The following VAC14 variants were observed in gnomAD, a reference collection of about 807,000 sequenced individuals.
The protein encoded by VAC14 is protein VAC14 homolog.
In VAC14, 47 loss-of-function variants were observed where a neutral mutation model predicts 85.3. The observed-to-expected ratio is 0.55, with a 90% CI of 0.44 to 0.70. The LOEUF (loss-of-function observed/expected upper bound fraction) is 0.70, where lower values mean the gene tolerates loss of function less well. VAC14 is among the 30% of genes least tolerant of loss of function. The pLI is 0.00. For synonymous variants in VAC14, 447 were observed against 430.5 expected, an observed-to-expected ratio of 1.04 and a Z score of -0.47; for missense variants, 861 against 1,004.3, an observed-to-expected ratio of 0.86 and a Z score of 1.93.
intron 1 of VAC14, among the ~76,000 whole-genome samples, chr16:70,798,518 G>A (rs770852491): frequency 2.0e-5 from 3 of 152,234 alleles, no homozygotes; most frequent in Non-Finnish European, 4.4e-5. Flanking sequence ...AGATAAGTAA[G>A]TCAGTATCTA....
intron 18 of VAC14, chr16:70,689,158 G>C: frequency 1.0e-6 from 1 of 976,180 alleles, no homozygotes; most frequent in Middle Eastern, 5.2e-4. Context: ...GGTGTGACTT[G>C]AGCATGTGAC....
chr16:70,695,389 A>G (rs1251477068), intron 17 of VAC14, among the ~76,000 whole-genome samples, 155 bp downstream of exon 17: 1 of 152,118 alleles, frequency 6.6e-6, no homozygotes, highest in East Asian at 1.9e-4. Flanking sequence ...TGGGATTATA[A>G]GTCTCACATT....
chr16:70,785,528 T>C (rs1399458387), intron 3 of VAC14, among the ~76,000 whole-genome samples, 174 bp downstream of exon 3: 3 of 152,140 alleles, frequency 2.0e-5, no homozygotes, highest in Non-Finnish European at 4.4e-5. Flanking sequence ...TGAAAAAAGG[T>C]ATAAATGCAA....
intron 14 of VAC14, among the ~76,000 whole-genome samples, chr16:70,712,079 C>CA (rs1458766773): frequency 6.6e-6 from 1 of 152,092 alleles, no homozygotes. Flanking sequence ...TACCCTCCCC[C>CA]ACCCCCTCCC....
At chr16:70,706,738 C>T (rs765702429) in intron 14 of VAC14, among the ~76,000 whole-genome samples, 8 of 152,290 alleles carry the variant, frequency 5.3e-5, no homozygotes, top group East Asian at 3.9e-4. Flanking sequence ...GTGATCCACC[C>T]GCCTCGGCCT....
rs1161455957 is a variant in VAC14 at position 70,748,103 on chromosome 16, C to T, written c.1372-3524G>A. 5.9e-5 allele frequency among the ~76,000 whole-genome samples: 9 copies of T among 151,478 alleles called. No individual in the cohort carries two copies. In the East Asian group the frequency reaches 7.7e-4, roughly 13 times the overall value. Reference sequence around the variant, plus strand: ...GACAGTCACCTGCTCAAGGTAACAGCGAGTCCACCTCAAACCCAGCTCTGG... The same window carrying T: ...GACAGTCACCTGCTCAAGGTAACAGTGAGTCCACCTCAAACCCAGCTCTGG... On this transcript the variant is annotated intron_variant, in intron 12 of 18. Transcript: ENST00000261776.
intron 14 of VAC14, among the ~76,000 whole-genome samples, chr16:70,708,730 C>T (rs541830395): frequency 6.6e-6 from 1 of 152,282 alleles, no homozygotes; most frequent in East Asian, 1.9e-4. Context: ...GATGGGGTAT[C>T]TGCTGAGATA....
At chr16:70,794,366 C>G (rs8044133) in intron 1 of VAC14, among the ~76,000 whole-genome samples, 1 of 152,070 alleles carries the variant, frequency 6.6e-6, no homozygotes, top group Non-Finnish European at 1.5e-5. Context: ...CCATTTTATA[C>G]AAATAGAATC....
intron 1 of VAC14, among the ~76,000 whole-genome samples, chr16:70,791,628 C>T (rs1168229167): frequency 6.6e-6 from 1 of 152,184 alleles, no homozygotes; most frequent in Non-Finnish European, 1.5e-5. Context: ...TCTAGTGATC[C>T]GCCCACCTTG....
At chr16:70,799,974 A>C (rs1446888504) in intron 1 of VAC14, among the ~76,000 whole-genome samples, 1 of 152,204 alleles carries the variant, frequency 6.6e-6, no homozygotes, top group Non-Finnish European at 1.5e-5. Flanking sequence ...TACTGGACAG[A>C]ACAGAAATAC....
intron 14 of VAC14, among the ~76,000 whole-genome samples, chr16:70,727,037 G>A (rs1461561566): frequency 6.6e-6 from 1 of 152,152 alleles, no homozygotes; most frequent in Non-Finnish European, 1.5e-5. Flanking sequence ...CTTCCTCAAT[G>A]CCAAGAACCC....
At chr16:70,691,285 A>G in intron 18 of VAC14, 12 of 985,426 alleles carry the variant, frequency 1.2e-5, no homozygotes, top group Non-Finnish European at 1.4e-5. Context: ...ACTCCCAGGA[A>G]GGCAGGCTGG....
rs1451478806 is a variant in VAC14, at chr16:70,785,686, G to A, written c.423+16C>T. On this transcript the variant is annotated intron_variant, in intron 3 of 18. Transcript: ENST00000261776. ...ACCAAGCGCAGCTCAGTGAGGAGGA[G>A]GAGGAGGGCGGTTACCTTGCTCAGC... is the stretch of plus-strand genomic sequence containing the variant. 4 of 1,546,506 alleles carry A rather than the reference G, an allele frequency of 2.6e-6. No homozygotes were observed. In the South Asian group the frequency reaches 4.8e-5, roughly 19 times the overall value.
At chr16:70,736,897 G>A (rs1194153344) in intron 13 of VAC14, among the ~76,000 whole-genome samples, 2 of 152,060 alleles carry the variant, frequency 1.3e-5, no homozygotes, top group Non-Finnish European at 2.9e-5. Flanking sequence ...CACTTGAAGG[G>A]GCAGGGAGGG....
chr16:70,784,028 A>C (rs1213567789), intron 5 of VAC14, 85 bp downstream of exon 5: 1 of 1,111,780 alleles, frequency 9.0e-7, no homozygotes, highest in African/African-American at 1.5e-5. Flanking sequence ...GAGGGTTCCT[A>C]TAGCCAAAGG....
At chr16:70,697,363 T>G in intron 15 of VAC14, 106 bp from the exon 16 acceptor site, 1 of 868,662 alleles carries the variant, frequency 1.2e-6, no homozygotes, top group Non-Finnish European at 1.8e-6. Context: ...CCCAGGGGCC[T>G]TCAGTCGGGG....
At chr16:70,696,866 G>T (rs547962408) in intron 16 of VAC14, 23 of 383,282 alleles carry the variant, frequency 6.0e-5, no homozygotes, top group South Asian at 5.5e-4. Flanking sequence ...CACCTGCCGG[G>T]CTGGGCCTAC....
intron 14 of VAC14, among the ~76,000 whole-genome samples, chr16:70,728,677 T>TC (rs1438002657): frequency 2.0e-5 from 3 of 152,046 alleles, no homozygotes; most frequent in East Asian, 3.9e-4. Context: ...TACCCCAAAC[T>TC]CCTTCTCGCC....
chr16:70,731,542 GA>G lies in VAC14; in HGVS notation c.1613del (p.Phe538SerfsTer23), dbSNP rs1463773353. 1.2e-6 allele frequency: 2 copies of G among 1,614,184 alleles called. No homozygotes were observed. The highest frequency in any genetic ancestry group is 1.7e-6 in the Non-Finnish European group (2 of 1,180,024). On this transcript the variant is annotated frameshift_variant, in exon 14 of 19. Coordinates refer to ENST00000261776, the MANE Select transcript of VAC14 (RefSeq NM_018052.5). LOFTEE classifies it high-confidence loss of function. The part of the protein sequence containing the change: ...YKFMINLLKR[F>X]SSERKLLEVR... The stretch of plus-strand genomic sequence containing the variant: ...CCTCCAGGAGCTTCCGTTCGCTGCT[GA>G]ATCTCTTGAGAAGGTTGATCATGAA...
Sources: allele counts gnomAD v4.1 joint callset (sites outside exome capture counted in the v4.1 genomes callset), GRCh38; gene constraint gnomAD v4.1.1; transcripts MANE v1.5; gene names NCBI Gene and HGNC (gene_info 2026-07-23, HGNC 2026-07-21).